Variants in RYR2 observed in about 807,000 individuals in gnomAD.
RYR2 encodes cardiac muscle ryanodine receptor-calcium release channel.
Under a neutral mutation model 601.1 loss-of-function variants are expected in RYR2, and 227 were observed. The observed-to-expected ratio is 0.38, with a 90% confidence interval of 0.34 to 0.42. RYR2 has a LOEUF of 0.42. Among genes scored for constraint, RYR2 ranks in the 10% least tolerant of loss-of-function variants. The probability of loss-of-function intolerance (pLI) is 1.00; values close to 1 mark genes in which losing one functional copy is unlikely to be tolerated. For synonymous variants in RYR2, 2,223 were observed against 2,175.1 expected (o/e 1.02, Z -0.61); for missense variants, 4,646 against 6,156.5 (o/e 0.75, Z 8.21).
At chr1:237,115,629 A>G (rs1427653420) in intron 1 of RYR2, among the ~76,000 whole-genome samples, 1 of 152,206 alleles carries the variant, frequency 6.6e-6, no homozygotes, top group African/African-American at 2.4e-5. Context: ...TCATTTTCAC[A>G]CAGACAATGT....
intron 27 of RYR2, among the ~76,000 whole-genome samples, chr1:237,555,952 T>C (rs546836552): frequency 6.6e-5 from 10 of 152,136 alleles, no homozygotes; most frequent in Non-Finnish European, 1.0e-4. Context: ...TTTAAAGATA[T>C]TGTCACTTAA....
chr1:237,238,059 A>G (rs942074944), intron 1 of RYR2, among the ~76,000 whole-genome samples: 4 of 149,458 alleles, frequency 2.7e-5, no homozygotes, highest in Non-Finnish European at 5.9e-5. Flanking sequence ...CCTCCAGATG[A>G]TCCTCCCATC....
In RYR2 at chr1:237,723,202, T is replaced by A. The variant is rs1470873053; in HGVS notation, c.10629T>A (p.Asp3543Glu). Residue 3543 changes from aspartate (D) to glutamate (E), a missense_variant, in exon 74 of 105, where the codon GAT becomes GAA. Around this residue, in one of 17 missense-constraint regions of RYR2, gnomAD observed 1,497 missense variants for 1,842.6 expected, o/e 0.81. Transcript: ENST00000366574. ...DLPNRTDDTSDPEKTVERVLD... is the reference protein window; with the variant it reads ...DLPNRTDDTSEPEKTVERVLD... Reference sequence around the variant, plus strand: ...CAAACAGGACTGATGATACCTCAGATCCAGAGAAGACGGTAGAAAGAGTAT... The same window carrying A: ...CAAACAGGACTGATGATACCTCAGAACCAGAGAAGACGGTAGAAAGAGTAT... 6.2e-7 allele frequency: 1 copy of A among 1,611,564 alleles called. No individual in the cohort carries two copies. Among genetic ancestry groups the A allele is most frequent in the South Asian group, 1.1e-5 (1 of 91,012 alleles).
At chr1:237,316,398 G>A (rs1695115053) in intron 2 of RYR2, among the ~76,000 whole-genome samples, 1 of 152,028 alleles carries the variant, frequency 6.6e-6, no homozygotes, top group South Asian at 2.1e-4. Flanking sequence ...ATCCTTTATA[G>A]CACTTTTGAA....
intron 23 of RYR2, 24 bp from the exon 24 acceptor site, chr1:237,511,664 T>C: frequency 2.6e-6 from 4 of 1,526,106 alleles, no homozygotes; most frequent in Middle Eastern, 1.7e-4. Flanking sequence ...GACTATTTTA[T>C]GTCAATTTCC....
chr1:237,122,728 A>G (rs567473237), intron 1 of RYR2, among the ~76,000 whole-genome samples: 83 of 152,082 alleles, frequency 5.5e-4, no homozygotes, highest in Non-Finnish European at 1.1e-3. Flanking sequence ...CTTAAACTCT[A>G]TGATCCTAAG....
chr1:237,583,328 G>A (rs1277053008), intron 29 of RYR2, among the ~76,000 whole-genome samples: 1 of 152,000 alleles, frequency 6.6e-6, no homozygotes, highest in African/African-American at 2.4e-5. Flanking sequence ...CTGGATATTA[G>A]GACCTTTGTC....
intron 38 of RYR2, among the ~76,000 whole-genome samples, chr1:237,617,707 CTT>C (rs1337719163): frequency 6.6e-6 from 1 of 152,214 alleles, no homozygotes; most frequent in East Asian, 1.9e-4. Flanking sequence ...ATCACCGACT[CTT>C]TGAGAAGGCC....
In RYR2 at chr1:237,056,527, G is replaced by A. The variant is rs553089357; in HGVS notation, c.48+13958G>A. ...GAGCACTGCACCTGTGAGGACTGGA[G>A]CACTGCGTCTGTGAGGATTGGAGCA... is the stretch of plus-strand genomic sequence containing the variant. On this transcript the variant is annotated intron_variant, in intron 1 of 104. Coordinates refer to ENST00000366574, the MANE Select transcript of RYR2 (RefSeq NM_001035.3). Among the ~76,000 whole-genome samples, 370 of 140,028 alleles carry A rather than the reference G, an allele frequency of 2.6e-3. 2 individuals are homozygous for A. The highest frequency in any genetic ancestry group is 9.6e-3 in the African/African-American group (354 of 36,998). The allele number at this position is 140,028 out of a possible 152,430, so 91.9% of individuals were successfully genotyped here.
chr1:237,458,108 C>T (rs912816069), intron 16 of RYR2, among the ~76,000 whole-genome samples: 1 of 152,100 alleles, frequency 6.6e-6, no homozygotes, highest in Non-Finnish European at 1.5e-5. Flanking sequence ...CTTCAAGACC[C>T]AGTTCACATG....
chr1:237,731,361 A>G (rs1388663551), intron 77 of RYR2, among the ~76,000 whole-genome samples: 1 of 152,200 alleles, frequency 6.6e-6, no homozygotes. Context: ...CGATAGTAAA[A>G]AAAAAATATT....
chr1:237,473,768 C>A (rs1010300221), intron 17 of RYR2, among the ~76,000 whole-genome samples: 1 of 152,048 alleles, frequency 6.6e-6, no homozygotes, highest in Non-Finnish European at 1.5e-5. Flanking sequence ...ATGGCTGCAG[C>A]CTACAGGTTG....
At chr1:237,082,453 A>G (rs1199262683) in intron 1 of RYR2, among the ~76,000 whole-genome samples, 1 of 148,346 alleles carries the variant, frequency 6.7e-6, no homozygotes, top group Admixed American at 6.8e-5. Context: ...TGCTGCTTTC[A>G]TGCACCTGAT....
intron 10 of RYR2, among the ~76,000 whole-genome samples, chr1:237,406,205 CTCCCT>C (rs1703875836): frequency 1.1e-5 from 1 of 87,914 alleles, no homozygotes; most frequent in African/African-American, 4.9e-5. Context: ...CTTCCCTCCC[CTCCCT>C]TCCCCTCCCC....
intron 3 of RYR2, among the ~76,000 whole-genome samples, chr1:237,334,422 A>G (rs12089217): frequency 0.018 from 2,697 of 146,972 alleles, 84 homozygotes; most frequent in African/African-American, 0.062. Context: ...GGATTTTCTA[A>G]AATGTCTGTT....
intron 25 of RYR2, among the ~76,000 whole-genome samples, chr1:237,531,208 G>T (rs1415231295): frequency 6.6e-6 from 1 of 152,070 alleles, no homozygotes; most frequent in Non-Finnish European, 1.5e-5. Flanking sequence ...TATGAAGTCA[G>T]CATTATTATC....
chr1:237,357,495 C>T (rs759715925), intron 4 of RYR2, among the ~76,000 whole-genome samples: 3 of 152,332 alleles, frequency 2.0e-5, no homozygotes, highest in Non-Finnish European at 4.4e-5. Flanking sequence ...GTAAATAGCA[C>T]TTGCCAGTAA....
At chr1:237,046,045 T>A (rs1204593268) in intron 1 of RYR2, among the ~76,000 whole-genome samples, 1 of 152,188 alleles carries the variant, frequency 6.6e-6, no homozygotes, top group Non-Finnish European at 1.5e-5. Flanking sequence ...CTTACGGTCT[T>A]CCTCCTGTCT....
At chr1:237,085,080 G>A (rs1011992348) in intron 1 of RYR2, among the ~76,000 whole-genome samples, 2 of 152,144 alleles carry the variant, frequency 1.3e-5, no homozygotes, top group African/African-American at 4.8e-5. Context: ...TGTGATTGCC[G>A]TTTATGTTCA....
Sources: allele counts gnomAD v4.1 joint callset (sites outside exome capture counted in the v4.1 genomes callset), GRCh38; gene constraint gnomAD v4.1.1; regional missense constraint gnomAD v4.1.1; transcripts MANE v1.5; gene names NCBI Gene and HGNC (gene_info 2026-07-23, HGNC 2026-07-21).